PARVB: variants seen among roughly 807,000 people sequenced by gnomAD.
PARVB encodes the protein parvin beta.
A neutral mutation model predicts 47.0 loss-of-function variants in PARVB; 46 were observed. The observed-to-expected ratio is 0.98, with a 90% CI of 0.77 to 1.25. The LOEUF (loss-of-function observed/expected upper bound fraction) is 1.25. Among genes scored for constraint, PARVB ranks in the 50% most tolerant of loss-of-function variants. The pLI is 0.00. For missense variants in PARVB, 473 were observed against 471.6 expected, an observed-to-expected ratio of 1.00 and a Z score of -0.03; for synonymous variants, 196 against 196.3, an observed-to-expected ratio of 1.00 and a Z score of 0.01.
chr22:44,119,744 A>G, intron 4 of PARVB: 1 of 524,522 alleles, frequency 1.9e-6, no homozygotes, highest in Non-Finnish European at 3.9e-6. Flanking sequence ...TGTCCTCAGA[A>G]CTTACAGTCT....
chr22:44,043,617 T>A (rs1032655780), intron 1 of PARVB, among the ~76,000 whole-genome samples: 1 of 152,176 alleles, frequency 6.6e-6, no homozygotes, highest in East Asian at 1.9e-4. Flanking sequence ...GACCCCGTGA[T>A]CCGTCTGCCT....
chr22:44,116,312 A>T (rs1301312623), intron 3 of PARVB: 1 of 152,274 alleles, frequency 6.6e-6, no homozygotes, highest in Non-Finnish European at 1.5e-5. Context: ...GGGCACACCC[A>T]TCTGCACACC....
In PARVB at chr22:44,155,505, C is replaced by T. The variant is rs111589482; in HGVS notation, c.844-2477C>T. On this transcript the variant is annotated intron_variant, in intron 10 of 12. Transcript: ENST00000338758. This position sits in a 1 kb window ranked among gnomAD's most constrained non-coding sequence, Gnocchi z 4.8. ...GTGCTGGGACAGTGAGGAGACACCA[C>T]GGAAGGAAGAAAAGACTCAGCAGGC... 0.014 allele frequency among the ~76,000 whole-genome samples: 2,204 copies of T among 152,250 alleles called. 50 individuals are homozygous for T. Among genetic ancestry groups the T allele is most frequent in the African/African-American group, 0.049 (2,051 of 41,536 alleles).
rs957375300 is a variant in PARVB at position 44,024,318 on chromosome 22, C to G, written c.-22C>G. 1.6e-5 allele frequency: 16 copies of G among 1,020,592 alleles called. No individual in the cohort carries two copies. In the South Asian group the frequency reaches 1.8e-4, roughly 11 times the overall value. The allele number at this position is 1,020,592 out of a possible 1,614,324, so 63.2% of individuals were successfully genotyped here. A position where few individuals can be genotyped will look rare whatever the true frequency, so the allele number is the denominator to read the frequency against. On this transcript the variant is annotated 5_prime_UTR_variant, in exon 1 of 13. Transcript: ENST00000338758. Reference sequence around the variant, plus strand: ...GGCGGCTCCACACGCGCTGCGCCCGCCGCCGGCCCCACGCGCGGCCCATGT... The same window carrying G: ...GGCGGCTCCACACGCGCTGCGCCCGGCGCCGGCCCCACGCGCGGCCCATGT...
chr22:44,115,880 G>T (rs1352531832), intron 3 of PARVB: 1 of 75,632 alleles, frequency 1.3e-5, no homozygotes, highest in African/African-American at 5.8e-5. Context: ...GCACCAACAT[G>T]GACACATCAT....
At chr22:44,057,308 G>C (rs1045661268) in intron 1 of PARVB, among the ~76,000 whole-genome samples, 5 of 152,160 alleles carry the variant, frequency 3.3e-5, no homozygotes, top group African/African-American at 1.2e-4. Flanking sequence ...ATAATTTTAT[G>C]AGCCAGTCGA....
At chr22:44,045,313 A>T (rs2051096005) in intron 1 of PARVB, among the ~76,000 whole-genome samples, 1 of 152,220 alleles carries the variant, frequency 6.6e-6, no homozygotes, top group South Asian at 2.1e-4. Flanking sequence ...TCCTAAATGG[A>T]TTTTATGACT....
chr22:44,077,229 C>T (rs1054679731), intron 1 of PARVB, among the ~76,000 whole-genome samples: 19 of 152,182 alleles, frequency 1.2e-4, no homozygotes, highest in African/African-American at 4.6e-4. Flanking sequence ...CGAGAGGATC[C>T]CCCTTGGCCT....
In PARVB at chr22:44,080,143, G is replaced by GT. The variant is rs1212552328; in HGVS notation, c.113-13785_113-13784insT. On this transcript the variant is annotated intron_variant, in intron 1 of 12. Coordinates refer to ENST00000338758, the MANE Select transcript of PARVB (RefSeq NM_013327.5). ...CTTGTGCCAGGGGGCACCCGGTGTG[G>GT]AGCAGGGCTCAGTAAAACTGCTGCA... Among the ~76,000 whole-genome samples, 8 of 152,350 alleles carry GT rather than the reference G, an allele frequency of 5.3e-5. No homozygotes were observed. The East Asian group carries it at 1.5e-3, about 29-fold the overall frequency.
chr22:44,047,683 C>A (rs556168628), intron 1 of PARVB, among the ~76,000 whole-genome samples: 1 of 152,072 alleles, frequency 6.6e-6, no homozygotes, highest in East Asian at 1.9e-4. Context: ...AATAAAAAAC[C>A]CAGCAGAAGT....
At chr22:44,092,855 A>G in intron 1 of PARVB, among the ~76,000 whole-genome samples, 1 of 152,194 alleles carries the variant, frequency 6.6e-6, no homozygotes, top group Non-Finnish European at 1.5e-5. Flanking sequence ...TGGAGGCTGG[A>G]TGTCCAGAGC....
intron 3 of PARVB, chr22:44,112,732 GT>G: frequency 6.8e-4 from 1 of 1,476 alleles, no homozygotes; most frequent in Admixed American, 0.01. Flanking sequence ...AAGATACATT[GT>G]TACTAAGTAA....
intron 11 of PARVB, among the ~76,000 whole-genome samples, chr22:44,159,914 C>T (rs1294647507): frequency 6.6e-6 from 1 of 152,178 alleles, no homozygotes; most frequent in Non-Finnish European, 1.5e-5. Flanking sequence ...ACAGCTGCTC[C>T]ACATTTTTGG....
intron 2 of PARVB, among the ~76,000 whole-genome samples, chr22:44,014,922 C>T (rs377234334): frequency 1.3e-5 from 2 of 151,664 alleles, no homozygotes; most frequent in Admixed American, 6.6e-5. Context: ...GCAATCTCAG[C>T]TCACTGCAAC....
chr22:44,131,722 C>G, intron 5 of PARVB, 95 bp downstream of exon 5: 1 of 1,362,188 alleles, frequency 7.3e-7, no homozygotes, highest in Non-Finnish European at 9.9e-7. Flanking sequence ...CATCATCATC[C>G]CATCTGGCCT....
At chr22:44,056,471 T>G (rs1429675221) in intron 1 of PARVB, among the ~76,000 whole-genome samples, 2 of 152,092 alleles carry the variant, frequency 1.3e-5, no homozygotes, top group African/African-American at 2.4e-5. Context: ...CCACAGATTT[T>G]TTGTTGTTGT....
chr22:44,032,075 G>A (rs765579231), intron 1 of PARVB, among the ~76,000 whole-genome samples: 9 of 152,190 alleles, frequency 5.9e-5, no homozygotes, highest in Admixed American at 2.6e-4. Context: ...ATAAGCATAC[G>A]TTGGCCCAAT....
chr22:44,088,145 C>T (rs1021336708), intron 1 of PARVB, among the ~76,000 whole-genome samples: 1 of 152,140 alleles, frequency 6.6e-6, no homozygotes, highest in Non-Finnish European at 1.5e-5. Flanking sequence ...AGCAGCCTGG[C>T]TCTGGGATTC....
At chr22:44,006,562 T>A (rs11913388) in intron 2 of PARVB, among the ~76,000 whole-genome samples, 2 of 152,116 alleles carry the variant, frequency 1.3e-5, no homozygotes, top group South Asian at 4.1e-4. Context: ...AAGGCAGAGG[T>A]TGCAGTGAGC....
Sources: allele counts gnomAD v4.1 joint callset (sites outside exome capture counted in the v4.1 genomes callset), GRCh38; gene constraint gnomAD v4.1.1; non-coding constraint Gnocchi (gnomAD v3.1); transcripts MANE v1.5; gene names NCBI Gene and HGNC (gene_info 2026-07-23, HGNC 2026-07-21).